Variants in DLGAP2 observed in about 807,000 individuals in gnomAD.
The protein encoded by DLGAP2 is DLG associated protein 2.
In DLGAP2, 26 loss-of-function variants were observed where a neutral mutation model predicts 100.3. The ratio of observed to expected loss-of-function variants is 0.26; its 90% CI spans 0.19 to 0.36. DLGAP2 has a LOEUF of 0.36. Among genes scored for constraint, DLGAP2 ranks in the 10% least tolerant of loss-of-function variants. The pLI, the probability that DLGAP2 is intolerant of heterozygous loss-of-function variation, is 1.00. For synonymous variants in DLGAP2, 886 were observed against 630.1 expected (o/e 1.41, Z -6.08); for missense variants, 1,858 against 1,453.2 (o/e 1.28, Z -4.53).
intron 2 of DLGAP2, chr8:926,987 C>A (rs547115716): frequency 1.0e-6 from 1 of 979,790 alleles, no homozygotes. Flanking sequence ...CAGGAAAAGC[C>A]GGGGCCAGAG....
intron 2 of DLGAP2, among the ~76,000 whole-genome samples, chr8:1,088,163 G>A (rs928726583): frequency 5.3e-5 from 8 of 152,200 alleles, no homozygotes; most frequent in African/African-American, 9.7e-5. Context: ...CCTTCCAGAC[G>A]ACTTCCCATC....
chr8:1,589,684 GC>G (rs909516158), intron 6 of DLGAP2, among the ~76,000 whole-genome samples: 1 of 152,170 alleles, frequency 6.6e-6, no homozygotes, highest in Admixed American at 6.5e-5. Flanking sequence ...CTGGGCTCAA[GC>G]AATCCACCCG....
chr8:1,407,694 C>T (rs1384595990), intron 3 of DLGAP2, among the ~76,000 whole-genome samples: 1 of 117,830 alleles, frequency 8.5e-6, no homozygotes, highest in East Asian at 3.5e-4. Flanking sequence ...AGCGCCACCT[C>T]CTCATCCTCC....
chr8:1,690,724 A>AT (rs1799237870), intron 12 of DLGAP2, among the ~76,000 whole-genome samples: 1 of 150,924 alleles, frequency 6.6e-6, no homozygotes, highest in Non-Finnish European at 1.5e-5. Flanking sequence ...AAAAAAAAAA[A>AT]AAAAATTAGT....
chr8:1,351,922 C>T (rs1174033420), intron 3 of DLGAP2, among the ~76,000 whole-genome samples: 210 of 70,572 alleles, frequency 3.0e-3, no homozygotes, highest in East Asian at 8.3e-3. Context: ...AAAGGCCGTG[C>T]GCGTCCTGAC....
chr8:1,128,644 G>T (rs1310442499), intron 2 of DLGAP2, among the ~76,000 whole-genome samples: 1 of 152,160 alleles, frequency 6.6e-6, no homozygotes, highest in Admixed American at 6.5e-5. Flanking sequence ...CCAACAACAC[G>T]TTTCCCAGAA....
rs563161075 is a variant in DLGAP2 at position 1,356,890 on chromosome 8, G to T, written c.106+98007G>T. Among the ~76,000 whole-genome samples the T allele has an allele frequency of 3.9e-5, 6 of 152,294 alleles. 1 individual carries two copies. In the East Asian group the frequency reaches 7.7e-4, roughly 20 times the overall value. On this transcript the variant is annotated intron_variant, in intron 3 of 14. Coordinates refer to ENST00000637795, the MANE Select transcript of DLGAP2 (RefSeq NM_001346810.2). ...CAATGAGGAAACACCTCGTCTTCAGGGTGTGCCCTTGTGTCTACAGTGCCC... is the reference window on the plus strand; with the variant it reads ...CAATGAGGAAACACCTCGTCTTCAGTGTGTGCCCTTGTGTCTACAGTGCCC...
chr8:963,651 G>T (rs1799779462), intron 2 of DLGAP2, among the ~76,000 whole-genome samples: 1 of 151,996 alleles, frequency 6.6e-6, no homozygotes, highest in South Asian at 2.1e-4. Context: ...TGTGGTTGGT[G>T]ACCCCCAGGA....
chr8:1,562,280 G>T (rs866467142), intron 5 of DLGAP2, among the ~76,000 whole-genome samples: 2 of 10,126 alleles, frequency 2.0e-4, no homozygotes, highest in African/African-American at 4.8e-4. Flanking sequence ...GTTGGGTGTC[G>T]GCGCCTCGTT....
At chr8:1,417,625 C>T (rs1796940826) in intron 3 of DLGAP2, among the ~76,000 whole-genome samples, 1 of 9,648 alleles carries the variant, frequency 1.0e-4, no homozygotes, top group Admixed American at 1.1e-3. Flanking sequence ...CACTGCGTGG[C>T]CGCCTCCAGG....
Position 1,415,299 on chromosome 8 carries a change from TA to T in DLGAP2, c.107-86064del, listed in dbSNP as rs200245644. 3.0e-4 allele frequency among the ~76,000 whole-genome samples: 45 copies of T among 152,334 alleles called. No individual in the cohort carries two copies. In the East Asian group the frequency reaches 5.0e-3, roughly 17 times the overall value. On this transcript the variant is annotated intron_variant, in intron 3 of 14. Transcript: ENST00000637795. ...CTTTCTCTAGTGCGTCTTTCTGATT[TA>T]AAGGCTAATTTTTTTTTCAACTTTT...
At chr8:1,352,610 G>C (rs919404868) in intron 3 of DLGAP2, among the ~76,000 whole-genome samples, 1 of 152,176 alleles carries the variant, frequency 6.6e-6, no homozygotes, top group African/African-American at 2.4e-5. Flanking sequence ...ATTCCTGGAA[G>C]TTGGCCCATT....
chr8:1,036,652 C>A (rs2129029140), intron 2 of DLGAP2, among the ~76,000 whole-genome samples: 1 of 152,166 alleles, frequency 6.6e-6, no homozygotes, highest in South Asian at 2.1e-4. Flanking sequence ...CAAGGCAGGG[C>A]CTTGAACCGT....
At chr8:1,468,117 A>T (rs571955222) in intron 3 of DLGAP2, among the ~76,000 whole-genome samples, 4 of 152,250 alleles carry the variant, frequency 2.6e-5, no homozygotes, top group Admixed American at 2.6e-4. Context: ...CCAGGGTCAC[A>T]GGAGCAGGGA....
chr8:1,327,889 C>T (rs990430913), intron 3 of DLGAP2, among the ~76,000 whole-genome samples: 25 of 152,134 alleles, frequency 1.6e-4, no homozygotes, highest in Admixed American at 1.3e-4. Context: ...TGAATCCATT[C>T]TCCACTTTTT....
chr8:796,320 G>T (rs938339480), intron 1 of DLGAP2, among the ~76,000 whole-genome samples: 1 of 152,150 alleles, frequency 6.6e-6, no homozygotes, highest in Non-Finnish European at 1.5e-5. Flanking sequence ...TTGTCATCTG[G>T]CCACTCGCTC....
At chr8:1,078,897 T>C (rs1387460107) in intron 2 of DLGAP2, among the ~76,000 whole-genome samples, 1 of 152,250 alleles carries the variant, frequency 6.6e-6, no homozygotes, top group Non-Finnish European at 1.5e-5. Flanking sequence ...GGAGATGTTT[T>C]CAACTCATCC....
intron 4 of DLGAP2, among the ~76,000 whole-genome samples, chr8:1,512,062 G>C (rs183845283): frequency 3.3e-5 from 5 of 152,204 alleles, no homozygotes; most frequent in African/African-American, 4.8e-5. Context: ...GTGTTCCTCA[G>C]CCCTGTGACG....
At position 1,706,673 on chromosome 8, in the gene DLGAP2, C is replaced by G. The variant is rs1160327127; in HGVS notation, c.*5267C>G. 1 of 152,164 alleles carries G rather than the reference C, an allele frequency of 6.6e-6. No individual in the cohort carries two copies. The highest frequency in any genetic ancestry group is 2.4e-5 in the African/African-American group (1 of 41,444). 9.4% of individuals were successfully genotyped at this position (152,164 alleles called of 1,614,324 possible). ...CCACGTTTTCACCATTACTTAAGCT[C>G]AATCGCCTCTTAGATGAAATGAGGA... On this transcript the variant is annotated 3_prime_UTR_variant, in exon 15 of 15. Transcript: ENST00000637795.
Sources: allele counts gnomAD v4.1 joint callset (sites outside exome capture counted in the v4.1 genomes callset), GRCh38; gene constraint gnomAD v4.1.1; transcripts MANE v1.5; gene names NCBI Gene and HGNC (gene_info 2026-07-23, HGNC 2026-07-21).